KLRG1: variants seen among roughly 807,000 people sequenced by gnomAD.
KLRG1 encodes killer cell lectin like receptor G1.
KLRG1 carries 16 observed loss-of-function variants against 21.8 expected under a neutral mutation model. That is an observed-to-expected ratio of 0.73 (90% CI 0.50 to 1.11). The LOEUF (loss-of-function observed/expected upper bound fraction) is 1.11, where lower values mean the gene tolerates loss of function less well. KLRG1 is among the 50% of genes most tolerant of loss of function. The pLI, the probability that KLRG1 is intolerant of heterozygous loss-of-function variation, is 0.00. For synonymous variants in KLRG1, 69 were observed against 75.9 expected (o/e 0.91, Z 0.47); for missense variants, 173 against 218.3 (o/e 0.79, Z 1.31).
the KLRG1 span, chr12:9,162,378 C>T: frequency 2.0e-6 from 1 of 498,730 alleles, no homozygotes; most frequent in Admixed American, 3.9e-5. Flanking sequence ...CAAGAAAGCC[C>T]AGGTATTAGT....
chr12:8,986,375 TG>T (rs1946842261), upstream of KLRG1, among the ~76,000 whole-genome samples: 1 of 152,224 alleles, frequency 6.6e-6, no homozygotes, highest in Non-Finnish European at 1.5e-5. Flanking sequence ...ACATCCTGAA[TG>T]GGGAGTATCT....
the KLRG1 span, chr12:9,089,199 C>G: frequency 1.3e-6 from 2 of 1,583,096 alleles, no homozygotes; most frequent in Non-Finnish European, 1.7e-6. Context: ...TTGACTCTTA[C>G]CTGATGGACA....
the KLRG1 span, among the ~76,000 whole-genome samples, chr12:9,111,185 A>G: frequency 6.6e-6 from 1 of 152,342 alleles, no homozygotes; most frequent in East Asian, 1.9e-4. Context: ...ACTAATCTTT[A>G]TTAAGTACCT....
chr12:9,088,176 A>G, the KLRG1 span, among the ~76,000 whole-genome samples: 1 of 152,056 alleles, frequency 6.6e-6, no homozygotes, highest in East Asian at 1.9e-4. Flanking sequence ...ATCTACACAC[A>G]TTATTTCTAA....
the KLRG1 span, chr12:9,072,823 A>G: frequency 5.0e-6 from 8 of 1,614,140 alleles, no homozygotes; most frequent in Non-Finnish European, 6.8e-6. Context: ...GTCCTGGTAA[A>G]TGTGGCTGCT....
the KLRG1 span, chr12:9,192,483 G>A: frequency 6.3e-7 from 1 of 1,583,014 alleles, no homozygotes. Context: ...CTGATAAGCT[G>A]CAATTGTATT....
the KLRG1 span, chr12:9,160,561 G>GTT: frequency 7.1e-7 from 1 of 1,406,910 alleles, no homozygotes; most frequent in Non-Finnish European, 9.7e-7. Context: ...TAACAAAAAT[G>GTT]GCCTTTATAT....
At chr12:9,090,482 C>A in the KLRG1 span, 25 of 1,613,412 alleles carry the variant, frequency 1.5e-5, no homozygotes, top group Non-Finnish European at 2.0e-5. Flanking sequence ...TGCACACTGA[C>A]CTGAAACCAC....
At chr12:8,961,545 TG>T (rs932792735) in intron 1 of KLRG1, among the ~76,000 whole-genome samples, 14 of 152,144 alleles carry the variant, frequency 9.2e-5, no homozygotes, top group African/African-American at 3.4e-4. Flanking sequence ...CCTGAGTAGC[TG>T]GGGTTACAGG....
At chr12:8,984,529 A>G (rs1202296316) in intron 1 of KLRG1, among the ~76,000 whole-genome samples, 1 of 152,182 alleles carries the variant, frequency 6.6e-6, no homozygotes, top group Admixed American at 6.6e-5. Context: ...GCTGGATTAC[A>G]GCTGTGAGCC....
the KLRG1 span, among the ~76,000 whole-genome samples, chr12:9,141,677 A>G: frequency 6.6e-6 from 1 of 152,218 alleles, no homozygotes; most frequent in Non-Finnish European, 1.5e-5. Flanking sequence ...AAAAATCCAC[A>G]TTCTCATGCC....
At chr12:9,142,626 C>T in the KLRG1 span, among the ~76,000 whole-genome samples, 1 of 152,098 alleles carries the variant, frequency 6.6e-6, no homozygotes, top group Non-Finnish European at 1.5e-5. Context: ...CATTGCACAC[C>T]TAACACATAT....
chr12:9,009,220 T>C (rs747747761), intron 4 of KLRG1, 145 bp downstream of exon 4: 7 of 800,542 alleles, frequency 8.7e-6, no homozygotes, highest in Middle Eastern at 3.6e-4. Flanking sequence ...AGGAAGGGAA[T>C]GAACAATGGG....
the KLRG1 span, among the ~76,000 whole-genome samples, chr12:9,211,266 G>T: frequency 1.3e-5 from 2 of 151,672 alleles, no homozygotes; most frequent in African/African-American, 4.8e-5. Flanking sequence ...TATTCCATAG[G>T]TCCCTTATAC....
At chr12:9,162,611 A>G in the KLRG1 span, 2 of 1,595,384 alleles carry the variant, frequency 1.3e-6, no homozygotes, top group Admixed American at 3.3e-5. Context: ...GGCACAGGTC[A>G]TAGAACTGAA....
At chr12:8,956,111 G>A (rs1194942575) in intron 1 of KLRG1, among the ~76,000 whole-genome samples, 1 of 152,172 alleles carries the variant, frequency 6.6e-6, no homozygotes, top group Non-Finnish European at 1.5e-5. Context: ...GCAATTGTCA[G>A]TGTAACCTCA....
upstream of KLRG1, among the ~76,000 whole-genome samples, chr12:8,989,051 G>A (rs560212317): frequency 6.6e-6 from 1 of 152,108 alleles, no homozygotes; most frequent in Non-Finnish European, 1.5e-5. Context: ...TACTGTGAAG[G>A]GTAAAGACCA....
At chr12:9,068,067 G>A in the KLRG1 span, 1 of 1,223,532 alleles carries the variant, frequency 8.2e-7, no homozygotes, top group Admixed American at 2.2e-5. Flanking sequence ...ATAATGTGCA[G>A]TGTGAGTAAT....
the KLRG1 span, among the ~76,000 whole-genome samples, chr12:9,070,217 T>C: frequency 1.3e-5 from 2 of 152,234 alleles, no homozygotes; most frequent in Non-Finnish European, 2.9e-5. Context: ...GTTCATATCT[T>C]TTATCTTCTT....
Sources: allele counts gnomAD v4.1 joint callset (sites outside exome capture counted in the v4.1 genomes callset), GRCh38; gene constraint gnomAD v4.1.1; transcripts MANE v1.5; gene names NCBI Gene and HGNC (gene_info 2026-07-23, HGNC 2026-07-21).